The following GPI variants were observed in gnomAD, a reference collection of about 807,000 sequenced individuals.
GPI encodes the protein glucose-6-phosphate isomerase.
A neutral mutation model predicts 75.8 loss-of-function variants in GPI; 56 were observed. That is an observed-to-expected ratio of 0.74 (90% CI 0.60 to 0.92). The LOEUF (loss-of-function observed/expected upper bound fraction) is 0.92. Ranked by LOEUF, GPI falls within the 40% of genes least tolerant of loss-of-function variation. The pLI is 0.00. For missense variants in GPI, 638 were observed against 741.0 expected, an observed-to-expected ratio of 0.86 and a Z score of 1.61; for synonymous variants, 288 against 285.4, an observed-to-expected ratio of 1.01 and a Z score of -0.09.
upstream of GPI, among the ~76,000 whole-genome samples, chr19:34,361,073 C>T (rs1380699752): frequency 6.6e-6 from 1 of 151,880 alleles, no homozygotes; most frequent in Non-Finnish European, 1.5e-5. Context: ...TCACTGCACC[C>T]GGCCTTGTTT....
In GPI at chr19:34,394,040, C is replaced by T. The variant is rs1177945815; in HGVS notation, c.1036C>T (p.His346Tyr). 3.1e-6 allele frequency: 5 copies of T among 1,612,782 alleles called. No homozygotes were observed. The highest frequency in any genetic ancestry group is 4.2e-6 in the Non-Finnish European group (5 of 1,179,818). The change falls in exon 12 of 18, where the codon CAC becomes TAC. Residue 346 changes from histidine to tyrosine, a missense_variant. Coordinates refer to ENST00000356487, the MANE Select transcript of GPI (RefSeq NM_000175.5). ...HAMLPYDQYLHRFAAYFQQGD... is the reference protein window; with the variant it reads ...HAMLPYDQYLYRFAAYFQQGD... ...CATGCTGCCCTATGACCAGTACCTG[C>T]ACCGCTTTGCTGCGTACTTCCAGCA...
At chr19:34,368,850 G>A (rs1048778877) in intron 4 of GPI, 148 bp downstream of exon 4, 4 of 862,352 alleles carry the variant, frequency 4.6e-6, no homozygotes, top group East Asian at 2.7e-5. Flanking sequence ...CTGTGTGATC[G>A]CTGACCCTGG....
intron 4 of GPI, among the ~76,000 whole-genome samples, chr19:34,376,453 A>G (rs562703031): frequency 1.3e-5 from 2 of 151,506 alleles, no homozygotes; most frequent in African/African-American, 4.8e-5. Context: ...GCTACTTGGG[A>G]GGCTGAGGCA....
In GPI at chr19:34,400,675, A is replaced by G. The variant is rs1213089239; in HGVS notation, c.*639A>G. ...CTGGACAAGACCGAGGATGACTGCC[A>G]TCTCCTGGCAAGACGCTCAGGTAGT... On this transcript the variant is annotated 3_prime_UTR_variant, in exon 18 of 18. Transcript: ENST00000356487. 1 of 403,766 alleles carries G rather than the reference A, an allele frequency of 2.5e-6. No individual in the cohort carries two copies. Among genetic ancestry groups the G allele is most frequent in the Non-Finnish European group, 4.4e-6 (1 of 229,060 alleles). The allele number at this position is 403,766 out of a possible 1,614,324, so 25.0% of individuals were successfully genotyped here.
At chr19:34,362,259 G>T (rs1441479836), upstream of GPI, among the ~76,000 whole-genome samples, 1 of 152,056 alleles carries the variant, frequency 6.6e-6, no homozygotes, top group Non-Finnish European at 1.5e-5. Context: ...AGCCAACATC[G>T]TGCCATTGCA....
chr19:34,365,593 G>A, intron 1 of GPI: 1 of 865,472 alleles, frequency 1.2e-6, no homozygotes, highest in African/African-American at 1.7e-5. Flanking sequence ...CTCGCCGGGA[G>A]TCTCGGCCCC....
chr19:34,365,486 C>G, intron 1 of GPI, 98 bp downstream of exon 1: 1 of 1,497,276 alleles, frequency 6.7e-7, no homozygotes, highest in Non-Finnish European at 8.9e-7. Context: ...GCCCGGGGAC[C>G]CCAGTCCCCG....
rs553631307 is a variant in GPI, at chr19:34,372,859, C to T, written c.402+4157C>T. On this transcript the variant is annotated intron_variant, in intron 4 of 17. Coordinates refer to ENST00000356487, the MANE Select transcript of GPI (RefSeq NM_000175.5). The stretch of plus-strand genomic sequence containing the variant: ...CCTGATCTCGGTTCACTGCAACCTC[C>T]GCCTCCCAGGTTCAAGCGATTCTCC... 4.6e-5 allele frequency among the ~76,000 whole-genome samples: 7 copies of T among 152,030 alleles called. No homozygotes were observed. In the South Asian group the frequency reaches 8.3e-4, roughly 18 times the overall value.
chr19:34,375,726 C>T (rs1337070305), intron 4 of GPI, among the ~76,000 whole-genome samples: 1 of 152,236 alleles, frequency 6.6e-6, no homozygotes, highest in Non-Finnish European at 1.5e-5. Context: ...ACATGATAGA[C>T]AGCTTCCCCA....
chr19:34,364,874 T>C, upstream of GPI: 1 of 1,086,980 alleles, frequency 9.2e-7, no homozygotes, highest in Non-Finnish European at 1.3e-6. Context: ...AATGAATGAA[T>C]GAAGCCGACT....
intron 7 of GPI, 28 bp downstream of exon 7, chr19:34,379,033 G>T (rs370213897): frequency 2.7e-5 from 43 of 1,594,200 alleles, no homozygotes; most frequent in Non-Finnish European, 3.5e-5. Context: ...CCTTCCTCGT[G>T]GTTAGCCTCT....
chr19:34,395,474 C>T (rs915211238), intron 12 of GPI, among the ~76,000 whole-genome samples: 2 of 152,052 alleles, frequency 1.3e-5, no homozygotes, highest in South Asian at 2.1e-4. Flanking sequence ...CCCAAGAGGT[C>T]GAGGCTTCAG....
intron 5 of GPI, 41 bp downstream of exon 5, chr19:34,377,627 C>G: frequency 2.5e-6 from 4 of 1,577,104 alleles, no homozygotes; most frequent in Non-Finnish European, 3.5e-6. Context: ...GGAGTCTGGG[C>G]ACTGTTGGTC....
chr19:34,388,211 T>C (rs2074766853), intron 9 of GPI, among the ~76,000 whole-genome samples: 1 of 152,206 alleles, frequency 6.6e-6, no homozygotes, highest in Non-Finnish European at 1.5e-5. Flanking sequence ...GCGCAGTGGC[T>C]CACGCCTGTC....
intron 9 of GPI, chr19:34,392,854 C>T (rs1251816105): frequency 1.4e-5 from 3 of 217,274 alleles, no homozygotes; most frequent in Non-Finnish European, 2.5e-5. Flanking sequence ...TGGGCCCTGG[C>T]ACAGGTATGA....
At chr19:34,366,236 G>C in intron 1 of GPI, 109 bp from the exon 2 acceptor site, 1 of 797,546 alleles carries the variant, frequency 1.3e-6, no homozygotes, top group South Asian at 1.4e-5. Flanking sequence ...CGGCCCTTGT[G>C]GGGCGTGGGT....
intron 4 of GPI, 87 bp from the exon 5 acceptor site, chr19:34,377,416 G>C: frequency 1.1e-6 from 1 of 942,336 alleles, no homozygotes; most frequent in Non-Finnish European, 1.7e-6. Context: ...CTGGGACTGA[G>C]GTACCAGGAC....
chr19:34,378,979 G>A lies in GPI; in HGVS notation c.679G>A (p.Glu227Lys). 1 of 1,614,230 alleles carries A rather than the reference G, an allele frequency of 6.2e-7. No individual in the cohort carries two copies. Among genetic ancestry groups the A allele is most frequent in the East Asian group, 2.2e-5 (1 of 44,882 alleles). Residue 227 changes from glutamate to lysine, a missense_variant, in exon 7 of 18, where the codon GAG becomes AAG. Physicochemically the swap from Glu to Lys is moderately conservative, Grantham distance 56 (BLOSUM62 1). Coordinates refer to ENST00000356487, the MANE Select transcript of GPI (RefSeq NM_000175.5). Reference protein sequence around the residue: ...ETITNAETAKEWFLQAAKDPS... With the variant: ...ETITNAETAKKWFLQAAKDPS... Reference sequence around the variant, plus strand: ...CATCACGAATGCAGAGACGGCGAAGGAGTGGTTTCTCCAGGCGGCCAAGGA... The same window carrying A: ...CATCACGAATGCAGAGACGGCGAAGAAGTGGTTTCTCCAGGCGGCCAAGGA...
At chr19:34,392,209 T>TGAGGAGGTAGGATCTGGCATGAA (rs1274033277) in intron 9 of GPI, 9 of 11,852 alleles carry the variant, frequency 7.6e-4, no homozygotes, top group Non-Finnish European at 1.2e-3. Context: ...TCTGGCCCCC[T>TGAGGAGGTAGGATCTGGCATGAA]TATGAGGATC....
Sources: gnomAD v4.1 joint callset for allele counts (sites outside exome capture counted in the v4.1 genomes callset) on GRCh38, gnomAD v4.1.1 for gene constraint, MANE v1.5 for transcripts, NCBI Gene and HGNC (gene_info 2026-07-23, HGNC 2026-07-21) for gene names.